Variants in TNRC6C observed in about 807,000 individuals in gnomAD.
The protein encoded by TNRC6C is trinucleotide repeat containing adaptor 6C, also known as trinucleotide repeat-containing gene 6C protein.
TNRC6C carries 20 observed loss-of-function variants against 153.7 expected under a neutral mutation model. That is an observed-to-expected ratio of 0.13 (90% CI 0.09 to 0.19). TNRC6C has a LOEUF of 0.19. TNRC6C is among the 10% of genes least tolerant of loss of function. TNRC6C has a pLI of 1.00. For synonymous variants in TNRC6C, 811 were observed against 841.4 expected, an observed-to-expected ratio of 0.96 and a Z score of 0.63; for missense variants, 1,987 against 2,172.0, an observed-to-expected ratio of 0.91 and a Z score of 1.69.
intron 1 of TNRC6C, among the ~76,000 whole-genome samples, chr17:77,962,470 G>A (rs1475403858): frequency 6.6e-6 from 1 of 152,152 alleles, no homozygotes; most frequent in Admixed American, 6.5e-5. Context: ...TAAGATTTGG[G>A]GATAGAGCAA....
chr17:77,969,079 T>C (rs1265122905), intron 1 of TNRC6C, among the ~76,000 whole-genome samples: 1 of 152,188 alleles, frequency 6.6e-6, no homozygotes, highest in Non-Finnish European at 1.5e-5. Flanking sequence ...GTGCCTACCA[T>C]GTGCCAAGTA....
upstream of TNRC6C, among the ~76,000 whole-genome samples, chr17:78,001,414 A>G (rs2071410064): frequency 6.6e-6 from 1 of 152,232 alleles, no homozygotes; most frequent in Non-Finnish European, 1.5e-5. Flanking sequence ...TCTCTTCAGC[A>G]GAGCTGGATA....
At chr17:78,096,095 GC>G in intron 16 of TNRC6C, among the ~76,000 whole-genome samples, 1 of 152,312 alleles carries the variant, frequency 6.6e-6, no homozygotes. Flanking sequence ...ACATGCGTGA[GC>G]CAGTGCGCAC....
At chr17:78,057,484 C>G (rs1271621542) in intron 3 of TNRC6C, among the ~76,000 whole-genome samples, 1 of 152,186 alleles carries the variant, frequency 6.6e-6, no homozygotes, top group African/African-American at 2.4e-5. Context: ...CAGCCCCTTG[C>G]CCTCCTCTCT....
intron 16 of TNRC6C, among the ~76,000 whole-genome samples, chr17:78,097,143 G>A (rs2073501934): frequency 6.6e-6 from 1 of 152,200 alleles, no homozygotes; most frequent in African/African-American, 2.4e-5. Context: ...GAGCCCAGGA[G>A]GTTGAGGCTG....
chr17:77,970,388 G>A (rs1317030047), intron 1 of TNRC6C, among the ~76,000 whole-genome samples: 2 of 152,172 alleles, frequency 1.3e-5, no homozygotes, highest in Non-Finnish European at 2.9e-5. Flanking sequence ...TGGGACCACA[G>A]GCATGCACTA....
intron 2 of TNRC6C, among the ~76,000 whole-genome samples, chr17:78,043,387 A>G (rs576367639): frequency 1.4e-4 from 21 of 152,168 alleles, no homozygotes; most frequent in Non-Finnish European, 2.5e-4. Flanking sequence ...GTAAAATAGC[A>G]TTGTTCCAAA....
intron 1 of TNRC6C, among the ~76,000 whole-genome samples, chr17:78,030,778 A>G (rs560727934): frequency 6.6e-6 from 1 of 152,360 alleles, no homozygotes; most frequent in South Asian, 2.1e-4. Flanking sequence ...AACCAGCAGC[A>G]TCAACATTGT....
At chr17:77,966,368 G>A (rs1183116044) in intron 1 of TNRC6C, among the ~76,000 whole-genome samples, 1 of 152,174 alleles carries the variant, frequency 6.6e-6, no homozygotes, top group Non-Finnish European at 1.5e-5. Context: ...AAAACTGGCT[G>A]TTGTAGCTGT....
chr17:78,101,586 C>A (rs1261283736), intron 17 of TNRC6C, among the ~76,000 whole-genome samples: 1 of 152,106 alleles, frequency 6.6e-6, no homozygotes, highest in Non-Finnish European at 1.5e-5. Flanking sequence ...GGGGGTCTCA[C>A]AGCCTTCAGA....
In TNRC6C at chr17:78,011,602, G is replaced by A. The variant is rs140031818; in HGVS notation, c.-546+6523G>A. ...CATTCTCCTGTTCATGGACATCTGC[G>A]TTTTTCCAGTTTTGAGCTATTGAGT... is the stretch of plus-strand genomic sequence containing the variant. On this transcript the variant is annotated intron_variant, in intron 1 of 19. Coordinates refer to ENST00000301624, the Ensembl canonical transcript of TNRC6C. Among the ~76,000 whole-genome samples the A allele has an allele frequency of 1.1e-3, 166 of 152,182 alleles. 1 individual carries two copies. Among genetic ancestry groups the A allele is most frequent in the African/African-American group, 3.6e-3 (149 of 41,486 alleles).
At chr17:78,074,014 A>G (rs959968761) in intron 7 of TNRC6C, among the ~76,000 whole-genome samples, 5 of 152,182 alleles carry the variant, frequency 3.3e-5, no homozygotes, top group African/African-American at 1.2e-4. Flanking sequence ...GATGTACCAT[A>G]TCATTGATTC....
intron 1 of TNRC6C, among the ~76,000 whole-genome samples, chr17:78,015,987 A>C (rs976711748): frequency 1.3e-5 from 2 of 152,198 alleles, no homozygotes; most frequent in African/African-American, 4.8e-5. Context: ...GAATATAGAA[A>C]CTACTCTAGC....
At chr17:78,094,930 T>C (rs2144589866) in intron 16 of TNRC6C, among the ~76,000 whole-genome samples, 1 of 152,194 alleles carries the variant, frequency 6.6e-6, no homozygotes, top group African/African-American at 2.4e-5. Flanking sequence ...CACAGCCAAG[T>C]GGTGCAGGAA....
At chr17:78,072,251 T>C (rs9899783) in intron 6 of TNRC6C, among the ~76,000 whole-genome samples, 3 of 152,202 alleles carry the variant, frequency 2.0e-5, no homozygotes, top group Non-Finnish European at 2.9e-5. Context: ...CTGTCTCAGT[T>C]ATCATGGCAC....
Position 78,079,291 on chromosome 17 carries a change from G to T in TNRC6C, c.3211-104G>T. 1 of 1,514,416 alleles carries T rather than the reference G, an allele frequency of 6.6e-7. No individual in the cohort carries two copies. Among genetic ancestry groups the T allele is most frequent in the Non-Finnish European group, 8.9e-7 (1 of 1,117,672 alleles). The allele number at this position is 1,514,416 out of a possible 1,614,324, so 93.8% of individuals were successfully genotyped here. On this transcript the variant is annotated intron_variant, in intron 9 of 19. Transcript: ENST00000301624. The surrounding 1 kb of genome is among the most constrained non-coding windows in gnomAD (Gnocchi z 4.3). ...TACAAGTTGACAGTGGTAGGAAGTA[G>T]AAACAATTTTGCATTCACTTGAAAT...
chr17:78,084,624 T>TC (rs1377283464), intron 11 of TNRC6C, among the ~76,000 whole-genome samples: 1 of 148,970 alleles, frequency 6.7e-6, no homozygotes, highest in African/African-American at 2.5e-5. Context: ...TCTTTTTCTT[T>TC]TTTTTTTTTT....
chr17:78,023,310 A>G (rs1333252944), intron 1 of TNRC6C, among the ~76,000 whole-genome samples: 1 of 152,212 alleles, frequency 6.6e-6, no homozygotes, highest in Non-Finnish European at 1.5e-5. Context: ...TATAGTAGCT[A>G]GCCATCCAGT....
chr17:78,104,312 G>T lies in TNRC6C; in HGVS notation c.4713-173G>T, dbSNP rs959995361. Among the ~76,000 whole-genome samples, 3 of 152,198 alleles carry T rather than the reference G, an allele frequency of 2.0e-5. No homozygotes were observed. The highest frequency in any genetic ancestry group is 4.8e-5 in the African/African-American group (2 of 41,434). On this transcript the variant is annotated intron_variant, in intron 19 of 19. Transcript: ENST00000301624. This position sits in a 1 kb window ranked among gnomAD's most constrained non-coding sequence, Gnocchi z 6.2. ...GTGTACCAGTACGATGTTGCCACTAGAAGTCTGAACTGAGCAAAACATTCA... is the reference window on the plus strand; with the variant it reads ...GTGTACCAGTACGATGTTGCCACTATAAGTCTGAACTGAGCAAAACATTCA...
Sources: allele counts gnomAD v4.1 joint callset (sites outside exome capture counted in the v4.1 genomes callset), GRCh38; gene constraint gnomAD v4.1.1; non-coding constraint Gnocchi (gnomAD v3.1); transcripts MANE v1.5; gene names NCBI Gene and HGNC (gene_info 2026-07-23, HGNC 2026-07-21).